AMOTL1: variants seen among roughly 807,000 people sequenced by gnomAD.
The protein encoded by AMOTL1 is angiomotin-like protein 1.
In AMOTL1, 45 loss-of-function variants were observed where a neutral mutation model predicts 102.9. The observed-to-expected ratio is 0.44, with a 90% CI of 0.34 to 0.56. The LOEUF (loss-of-function observed/expected upper bound fraction) is 0.56, where lower values mean the gene tolerates loss of function less well. AMOTL1 is among the 20% of genes least tolerant of loss of function. The pLI is 0.01. For synonymous variants in AMOTL1, 481 were observed against 484.7 expected, an observed-to-expected ratio of 0.99 and a Z score of 0.10; for missense variants, 1,114 against 1,225.6, an observed-to-expected ratio of 0.91 and a Z score of 1.36.
At chr11:94,869,117 C>T (rs1272458365) in intron 11 of AMOTL1, 81 bp from the exon 12 acceptor site, 1 of 1,411,162 alleles carries the variant, frequency 7.1e-7, no homozygotes, top group Non-Finnish European at 9.3e-7. Flanking sequence ...CATCAATCAA[C>T]AAGGAACAGA....
At chr11:94,773,444 A>G (rs1950982014) in intron 1 of AMOTL1, among the ~76,000 whole-genome samples, 1 of 152,248 alleles carries the variant, frequency 6.6e-6, no homozygotes, top group South Asian at 2.1e-4. Flanking sequence ...GGTCTCGAAT[A>G]TGCACAGATG....
intron 4 of AMOTL1, among the ~76,000 whole-genome samples, chr11:94,828,053 C>T (rs1008228645): frequency 2.0e-5 from 3 of 152,202 alleles, no homozygotes; most frequent in Admixed American, 1.3e-4. Context: ...TGTATGTTCA[C>T]CTGCTAACTG....
At chr11:94,751,459 G>T (rs1261545308) in intron 3 of AMOTL1, among the ~76,000 whole-genome samples, 1 of 152,072 alleles carries the variant, frequency 6.6e-6, no homozygotes, top group African/African-American at 2.4e-5. Flanking sequence ...CTTTGCAGCA[G>T]CACAATTTGG....
chr11:94,857,232 C>T lies in AMOTL1; in HGVS notation c.1945-2293C>T, dbSNP rs74775503. ...ACAAAGTACTTTTTGGAATGCCTTG[C>T]ACTTAGCAACTGATTAAAAACAAAT... On this transcript the variant is annotated intron_variant, in intron 8 of 12. Transcript: ENST00000433060. Among the ~76,000 whole-genome samples, 197 of 152,354 alleles carry T rather than the reference C, an allele frequency of 1.3e-3. 1 individual carries two copies. Among genetic ancestry groups the T allele is most frequent in the East Asian group, 8.1e-3 (42 of 5,192 alleles).
chr11:94,740,782 G>C (rs1950510022), intron 2 of AMOTL1, among the ~76,000 whole-genome samples: 1 of 152,150 alleles, frequency 6.6e-6, no homozygotes, highest in Non-Finnish European at 1.5e-5. Context: ...GGGATCTGGC[G>C]GTCTGAATCC....
chr11:94,753,323 T>C (rs1040628446), intron 3 of AMOTL1, among the ~76,000 whole-genome samples: 29 of 151,558 alleles, frequency 1.9e-4, no homozygotes, highest in African/African-American at 7.0e-4. Flanking sequence ...TTTTTTTTTT[T>C]TTCCTGTCTT....
chr11:94,721,092 G>C (rs1950168392), intron 1 of AMOTL1, among the ~76,000 whole-genome samples: 1 of 152,038 alleles, frequency 6.6e-6, no homozygotes. Flanking sequence ...TAAGAATCTA[G>C]GCTTTTAAAA....
chr11:94,725,436 T>C (rs994155158), intron 1 of AMOTL1, among the ~76,000 whole-genome samples: 1 of 152,166 alleles, frequency 6.6e-6, no homozygotes, highest in Non-Finnish European at 1.5e-5. Context: ...ACACTATTCA[T>C]TCACATATTC....
At chr11:94,815,766 A>G (rs912574303) in intron 3 of AMOTL1, among the ~76,000 whole-genome samples, 2 of 152,120 alleles carry the variant, frequency 1.3e-5, no homozygotes, top group African/African-American at 4.8e-5. Flanking sequence ...TTGGCAAGAA[A>G]GGTTAAAAAG....
chr11:94,754,479 C>G (rs1950697165), intron 3 of AMOTL1, among the ~76,000 whole-genome samples: 1 of 152,198 alleles, frequency 6.6e-6, no homozygotes, highest in Non-Finnish European at 1.5e-5. Context: ...TTATCTCCTT[C>G]CTCAAATGCT....
At chr11:94,813,121 C>T (rs937772273) in intron 3 of AMOTL1, among the ~76,000 whole-genome samples, 1 of 152,220 alleles carries the variant, frequency 6.6e-6, no homozygotes, top group Non-Finnish European at 1.5e-5. Flanking sequence ...CTGTCAGCCT[C>T]TGTAGCTCTC....
intron 2 of AMOTL1, among the ~76,000 whole-genome samples, chr11:94,736,088 G>A (rs542072967): frequency 3.1e-4 from 47 of 152,076 alleles, no homozygotes; most frequent in Admixed American, 7.9e-4. Flanking sequence ...CTCCCCATAC[G>A]TCCCACCTCT....
At position 94,859,551 on chromosome 11, in the gene AMOTL1, C is replaced by T; in HGVS notation, c.1971C>T (p.Asn657=). Residue 657 remains asparagine (N), a synonymous_variant, in exon 9 of 13, where the codon AAC becomes AAT. Transcript: ENST00000433060. ...AACATGGAAATGGCCAGCCAGCCAA[C>T]ATGCCGGAATACAATGCCCCAGCCC... The part of the protein sequence containing the change: ...QQKHGNGQPA[N]MPEYNAPALL... 1 of 1,612,234 alleles carries T rather than the reference C, an allele frequency of 6.2e-7. No individual in the cohort carries two copies. Among genetic ancestry groups the T allele is most frequent in the South Asian group, 1.1e-5 (1 of 90,884 alleles).
intron 1 of AMOTL1, among the ~76,000 whole-genome samples, chr11:94,718,575 CG>C (rs1950130309): frequency 1.3e-5 from 2 of 151,790 alleles, no homozygotes; most frequent in South Asian, 4.2e-4. Flanking sequence ...AAATAGTCAC[CG>C]TTTCTTGATA....
chr11:94,866,324 A>C, intron 11 of AMOTL1, 156 bp downstream of exon 11: 2 of 712,302 alleles, frequency 2.8e-6, no homozygotes, highest in Non-Finnish European at 4.6e-6. Context: ...TCAGTTATAG[A>C]TATGTGGAAG....
In AMOTL1 at chr11:94,872,729, G is replaced by A. The variant is rs1953023940; in HGVS notation, c.*1934G>A. ...CACACTGAGCATCGGAGTACCTGTT[G>A]TGCAGACAGGAAAACTGAGGAGCTC... On this transcript the variant is annotated 3_prime_UTR_variant, in exon 13 of 13. Transcript: ENST00000433060. 1 of 152,210 alleles carries A rather than the reference G, an allele frequency of 6.6e-6. No individual in the cohort carries two copies. The highest frequency in any genetic ancestry group is 2.4e-5 in the African/African-American group (1 of 41,436). 9.4% of individuals were successfully genotyped at this position (152,210 alleles called of 1,614,324 possible).
At chr11:94,804,104 A>T (rs1327021090) in intron 3 of AMOTL1, among the ~76,000 whole-genome samples, 1 of 152,152 alleles carries the variant, frequency 6.6e-6, no homozygotes, top group Non-Finnish European at 1.5e-5. Context: ...CAAATTATCT[A>T]TGTTTTGGCT....
At chr11:94,802,958 T>C (rs1474696157) in intron 3 of AMOTL1, among the ~76,000 whole-genome samples, 1 of 152,202 alleles carries the variant, frequency 6.6e-6, no homozygotes, top group East Asian at 1.9e-4. Context: ...TGTTTGTCAT[T>C]GATCGTGATG....
intron 6 of AMOTL1, 82 bp from the exon 7 acceptor site, chr11:94,850,032 C>T (rs1369699669): frequency 9.8e-6 from 14 of 1,425,924 alleles, no homozygotes; most frequent in Non-Finnish European, 1.3e-5. Flanking sequence ...TATTTTTAAT[C>T]CTTGCCAGAT....
Sources: gnomAD v4.1 joint callset for allele counts (sites outside exome capture counted in the v4.1 genomes callset) on GRCh38, gnomAD v4.1.1 for gene constraint, MANE v1.5 for transcripts, NCBI Gene and HGNC (gene_info 2026-07-23, HGNC 2026-07-21) for gene names.